Variants in BTBD16 observed in about 807,000 individuals in gnomAD.
BTBD16 encodes BTB domain containing 16.
In BTBD16, 66 loss-of-function variants were observed where a neutral mutation model predicts 67.4. That is an observed-to-expected ratio of 0.98 (90% CI 0.80 to 1.20). The LOEUF (loss-of-function observed/expected upper bound fraction) is 1.20, where lower values mean the gene tolerates loss of function less well. Among genes scored for constraint, BTBD16 ranks in the 50% most tolerant of loss-of-function variants. The probability of loss-of-function intolerance (pLI) is 0.00; values close to 1 mark genes in which losing one functional copy is unlikely to be tolerated. For synonymous variants in BTBD16, 242 were observed against 236.4 expected, an observed-to-expected ratio of 1.02 and a Z score of -0.22; for missense variants, 634 against 616.0, an observed-to-expected ratio of 1.03 and a Z score of -0.31.
chr10:122,336,691 TC>T lies in BTBD16; in HGVS notation c.1452+10del. ...CATCCTGCAAAAGCCATGCAAGTGT[TC>T]ACGTTGTCTTTTCCTTTATTTCCTT... On this transcript the variant is annotated intron_variant, in intron 15 of 15. Coordinates refer to ENST00000260723, the MANE Select transcript of BTBD16 (RefSeq NM_144587.5). 1 of 1,567,076 alleles carries T rather than the reference TC, an allele frequency of 6.4e-7. No individual in the cohort carries two copies. The highest frequency in any genetic ancestry group is 8.6e-7 in the Non-Finnish European group (1 of 1,162,458).
At chr10:122,323,281 A>G (rs1369428275) in intron 10 of BTBD16, among the ~76,000 whole-genome samples, 1 of 152,170 alleles carries the variant, frequency 6.6e-6, no homozygotes, top group Non-Finnish European at 1.5e-5. Context: ...CCTGCTGGGT[A>G]TGGATTTGAT....
At chr10:122,272,665 C>T (rs1303023902) in intron 1 of BTBD16, among the ~76,000 whole-genome samples, 3 of 134,846 alleles carry the variant, frequency 2.2e-5, no homozygotes, top group African/African-American at 9.3e-5. Context: ...AAATTAGAGA[C>T]TGGCAAAGGA....
intron 9 of BTBD16, 129 bp from the exon 10 acceptor site, chr10:122,307,060 G>A: frequency 9.4e-7 from 1 of 1,067,174 alleles, no homozygotes; most frequent in Non-Finnish European, 1.3e-6. Flanking sequence ...CCTGCTTGAT[G>A]TCTGAGGCTA....
chr10:122,295,244 C>A, intron 7 of BTBD16: 1 of 934,568 alleles, frequency 1.1e-6, no homozygotes, highest in Non-Finnish European at 1.3e-6. Context: ...GAGGAGCAAT[C>A]AGGGTGACTT....
chr10:122,286,160 T>G lies in BTBD16; in HGVS notation c.297T>G (p.Phe99Leu), dbSNP rs2096363376. Residue 99 changes from phenylalanine to leucine, a missense_variant, in exon 5 of 16, where the codon TTT becomes TTG. Transcript: ENST00000260723. ...FKWELHQPQL[F>L]QSETLAKLYL... ...GGGAGCTCCATCAGCCCCAGCTTTT[T>G]CAGTCTGAGACCTTGGCCAAGCTCT... The G allele has an allele frequency of 8.7e-6, 14 of 1,614,024 alleles. No homozygotes were observed. The highest frequency in any genetic ancestry group is 1.2e-5 in the Non-Finnish European group (14 of 1,179,908).
chr10:122,299,611 G>T (rs1214527293), intron 9 of BTBD16, among the ~76,000 whole-genome samples: 1 of 151,630 alleles, frequency 6.6e-6, no homozygotes, highest in African/African-American at 2.4e-5. Context: ...GCCCTGTCCT[G>T]CACCCCAACC....
At position 122,295,423 on chromosome 10, in the gene BTBD16, G is replaced by T. The variant is rs1220070428; in HGVS notation, c.591-2345G>T. The T allele has an allele frequency of 6.1e-6, 6 of 985,316 alleles. No individual in the cohort carries two copies. In the East Asian group the frequency reaches 6.8e-4, roughly 112 times the overall value. 61.0% of individuals were successfully genotyped at this position (985,316 alleles called of 1,614,324 possible). A position where few individuals can be genotyped will look rare whatever the true frequency, so the allele number is the denominator to read the frequency against. ...ATGAGCCCAGGTTATGCAGGATCTT[G>T]TAGCCACATGAGCAGGTCTTGGTTC... On this transcript the variant is annotated intron_variant, in intron 7 of 15. Coordinates refer to ENST00000260723, the MANE Select transcript of BTBD16 (RefSeq NM_144587.5).
At chr10:122,301,624 G>C (rs959085208) in intron 9 of BTBD16, among the ~76,000 whole-genome samples, 13 of 152,302 alleles carry the variant, frequency 8.5e-5, no homozygotes, top group African/African-American at 3.1e-4. Flanking sequence ...GAAGAGGGGG[G>C]CTTGTTAGAA....
intron 10 of BTBD16, among the ~76,000 whole-genome samples, chr10:122,308,128 C>A (rs1325996257): frequency 6.6e-6 from 1 of 152,162 alleles, no homozygotes; most frequent in Non-Finnish European, 1.5e-5. Context: ...TGTTTGGCTC[C>A]AGGTCAGCTC....
intron 6 of BTBD16, among the ~76,000 whole-genome samples, chr10:122,290,396 C>T (rs139779443): frequency 6.6e-6 from 1 of 152,330 alleles, no homozygotes; most frequent in African/African-American, 2.4e-5. Context: ...AGGACCACCC[C>T]TTACCTCCCC....
intron 13 of BTBD16, among the ~76,000 whole-genome samples, chr10:122,334,360 T>A (rs969054960): frequency 7.3e-5 from 11 of 150,950 alleles, no homozygotes; most frequent in Non-Finnish European, 7.4e-5. Flanking sequence ...CACGCCTGGC[T>A]AATTTTTTGT....
intron 7 of BTBD16, chr10:122,291,456 ACTGGGAGAGACTT>A (rs1376942335): frequency 2.7e-6 from 1 of 375,658 alleles, no homozygotes; most frequent in African/African-American, 2.1e-5. Context: ...GATTTCTACC[ACTGGGAGAGACTT>A]CATGTGTATA....
intron 10 of BTBD16, among the ~76,000 whole-genome samples, chr10:122,315,136 A>G (rs2096421702): frequency 6.6e-6 from 1 of 152,188 alleles, no homozygotes; most frequent in Non-Finnish European, 1.5e-5. Context: ...AAAATGATAT[A>G]TAGTTTTCTC....
intron 7 of BTBD16, among the ~76,000 whole-genome samples, chr10:122,293,746 G>A (rs1243437785): frequency 6.6e-6 from 1 of 152,186 alleles, no homozygotes. Flanking sequence ...CCTTTCGACA[G>A]AGTATTTCTG....
chr10:122,315,638 G>C lies in BTBD16; in HGVS notation c.911+8330G>C, dbSNP rs537245147. Among the ~76,000 whole-genome samples the C allele has an allele frequency of 2.6e-5, 4 of 152,282 alleles. No homozygotes were observed. The South Asian group carries it at 8.3e-4, about 32-fold the overall frequency. ...CTTTTCAGTGAAGCCATTTGGGCTT[G>C]AGATTTTGGAAGACTTTTAGTTATA... On this transcript the variant is annotated intron_variant, in intron 10 of 15. Coordinates refer to ENST00000260723, the MANE Select transcript of BTBD16 (RefSeq NM_144587.5).
chr10:122,324,060 C>A (rs2096440020), intron 10 of BTBD16, among the ~76,000 whole-genome samples: 1 of 152,158 alleles, frequency 6.6e-6, no homozygotes, highest in South Asian at 2.1e-4. Flanking sequence ...CCATATGATC[C>A]CAACTTCTAG....
intron 13 of BTBD16, among the ~76,000 whole-genome samples, chr10:122,333,755 T>C (rs915867442): frequency 6.6e-6 from 1 of 151,306 alleles, no homozygotes; most frequent in East Asian, 1.9e-4. Context: ...CCTTTTTGCT[T>C]TGTAATTTTT....
At chr10:122,281,081 A>G (rs1326666568) in intron 3 of BTBD16, among the ~76,000 whole-genome samples, 3 of 152,146 alleles carry the variant, frequency 2.0e-5, no homozygotes, top group Non-Finnish European at 4.4e-5. Context: ...TATTGGGATT[A>G]CAGGCATGAG....
Position 122,334,995 on chromosome 10 carries a change from A to G in BTBD16, c.1263+16A>G. 8.4e-7 allele frequency: 1 copy of G among 1,196,454 alleles called. No homozygotes were observed. The highest frequency in any genetic ancestry group is 1.2e-6 in the Non-Finnish European group (1 of 825,400). 74.1% of individuals were successfully genotyped at this position (1,196,454 alleles called of 1,614,324 possible). A position where few individuals can be genotyped will look rare whatever the true frequency, so the allele number is the denominator to read the frequency against. Reference sequence around the variant, plus strand: ...TTACATGCAGGTAAGGATAGAGTGCATGAAAGTTATGTCTCTGAGACAGTC... The same window carrying G: ...TTACATGCAGGTAAGGATAGAGTGCGTGAAAGTTATGTCTCTGAGACAGTC... On this transcript the variant is annotated intron_variant, in intron 14 of 15. Coordinates refer to ENST00000260723, the MANE Select transcript of BTBD16 (RefSeq NM_144587.5).
Sources: gnomAD v4.1 joint callset for allele counts (sites outside exome capture counted in the v4.1 genomes callset) on GRCh38, gnomAD v4.1.1 for gene constraint, MANE v1.5 for transcripts, NCBI Gene and HGNC (gene_info 2026-07-23, HGNC 2026-07-21) for gene names.